RAB3C: variants seen among roughly 807,000 people sequenced by gnomAD.
RAB3C encodes ras-related protein Rab-3C.
In RAB3C, 17 loss-of-function variants were observed where a neutral mutation model predicts 26.4. The ratio of observed to expected loss-of-function variants is 0.64; its 90% CI spans 0.44 to 0.97. The LOEUF is 0.97. Among genes scored for constraint, RAB3C ranks in the 50% least tolerant of loss-of-function variants. RAB3C has a pLI of 0.00. For missense variants in RAB3C, 242 were observed against 281.9 expected (o/e 0.86, Z 1.01); for synonymous variants, 91 against 95.9 (o/e 0.95, Z 0.30).
chr5:58,761,063 T>TCTCACA (rs370091627), intron 3 of RAB3C, among the ~76,000 whole-genome samples: 1,856 of 144,746 alleles, frequency 0.013, 29 homozygotes, highest in African/African-American at 0.033. Flanking sequence ...TCTCTCTCTC[T>TCTCACA]CACACACACA....
intron 4 of RAB3C, among the ~76,000 whole-genome samples, chr5:58,847,747 A>G (rs1744034701): frequency 6.6e-6 from 1 of 152,204 alleles, no homozygotes; most frequent in Non-Finnish European, 1.5e-5. Context: ...TAAATGCTAA[A>G]ATACTAATGA....
intron 2 of RAB3C, among the ~76,000 whole-genome samples, chr5:58,686,681 CACACACACACAT>C (rs1340013266): frequency 2.0e-5 from 3 of 147,598 alleles, no homozygotes; most frequent in Non-Finnish European, 3.1e-5. Context: ...CACACACATA[CACACACACACAT>C]ACACACACAC....
intron 1 of RAB3C, among the ~76,000 whole-genome samples, chr5:58,605,323 A>G (rs1464777913): frequency 6.6e-6 from 1 of 152,094 alleles, no homozygotes; most frequent in Non-Finnish European, 1.5e-5. Flanking sequence ...CCTGCCTCCC[A>G]TGCACCATGA....
At chr5:58,611,889 T>C (rs1211198239) in intron 1 of RAB3C, among the ~76,000 whole-genome samples, 1 of 152,118 alleles carries the variant, frequency 6.6e-6, no homozygotes. Flanking sequence ...CTTTAATCCA[T>C]CTTGAGTTAG....
chr5:58,686,637 CTCTT>C (rs901373888), intron 2 of RAB3C, among the ~76,000 whole-genome samples: 13 of 151,612 alleles, frequency 8.6e-5, no homozygotes, highest in African/African-American at 2.9e-4. Flanking sequence ...AATTCTGATT[CTCTT>C]TCTATGTGTC....
chr5:58,616,567 C>G (rs945121375), intron 1 of RAB3C, among the ~76,000 whole-genome samples: 6 of 152,102 alleles, frequency 3.9e-5, no homozygotes, highest in Non-Finnish European at 8.8e-5. Context: ...CAATATCCAC[C>G]TAAAGCATTT....
At chr5:58,832,457 A>C (rs1308845041) in intron 4 of RAB3C, among the ~76,000 whole-genome samples, 1 of 152,190 alleles carries the variant, frequency 6.6e-6, no homozygotes, top group African/African-American at 2.4e-5. Context: ...TTCATTTACT[A>C]ATGTATTCAT....
intron 2 of RAB3C, among the ~76,000 whole-genome samples, chr5:58,645,285 ATTCTAATT>A (rs1434460964): frequency 6.6e-5 from 10 of 152,346 alleles, no homozygotes; most frequent in African/African-American, 2.4e-4. Flanking sequence ...AGATCACCAG[ATTCTAATT>A]TTCTCTTGTA....
chr5:58,840,399 C>T (rs1561148795), intron 4 of RAB3C, among the ~76,000 whole-genome samples: 1 of 152,016 alleles, frequency 6.6e-6, no homozygotes, highest in Non-Finnish European at 1.5e-5. Context: ...CATTGAATTG[C>T]CTATATTCTC....
chr5:58,712,042 G>A (rs1036580872), intron 2 of RAB3C, among the ~76,000 whole-genome samples: 2 of 152,180 alleles, frequency 1.3e-5, no homozygotes, highest in South Asian at 4.1e-4. Flanking sequence ...TGTGATTTTC[G>A]TGTGGTAACA....
chr5:58,725,646 ATT>A (rs1224586886), intron 2 of RAB3C, among the ~76,000 whole-genome samples: 1 of 151,948 alleles, frequency 6.6e-6, no homozygotes, highest in Non-Finnish European at 1.5e-5. Context: ...GGTGACTATA[ATT>A]TACAATAATC....
chr5:58,817,997 A>C (rs1743253124), intron 3 of RAB3C, among the ~76,000 whole-genome samples: 1 of 152,244 alleles, frequency 6.6e-6, no homozygotes, highest in Non-Finnish European at 1.5e-5. Flanking sequence ...AGGGCCTGCT[A>C]TTAAGATCTG....
chr5:58,761,070 C>T (rs1178824996), intron 3 of RAB3C, among the ~76,000 whole-genome samples: 1 of 151,698 alleles, frequency 6.6e-6, no homozygotes, highest in African/African-American at 2.4e-5. Context: ...CTCTCACACA[C>T]ACACACACAC....
intron 2 of RAB3C, among the ~76,000 whole-genome samples, chr5:58,623,699 C>T (rs761193154): frequency 1.3e-5 from 2 of 152,164 alleles, no homozygotes; most frequent in Non-Finnish European, 2.9e-5. Context: ...AAGGATGGTA[C>T]GGGCATTGTT....
intron 3 of RAB3C, among the ~76,000 whole-genome samples, chr5:58,781,155 A>C (rs1742261172): frequency 1.3e-5 from 2 of 152,070 alleles, no homozygotes; most frequent in African/African-American, 4.8e-5. Flanking sequence ...ATAAAAAAAA[A>C]GTTAAGACCT....
intron 3 of RAB3C, among the ~76,000 whole-genome samples, chr5:58,821,476 C>A (rs1278627628): frequency 6.6e-6 from 1 of 152,156 alleles, no homozygotes; most frequent in Non-Finnish European, 1.5e-5. Flanking sequence ...TTATTTTACA[C>A]CCTAATTCAT....
intron 2 of RAB3C, chr5:58,647,554 C>G (rs906374064): frequency 1.3e-5 from 2 of 152,206 alleles, no homozygotes; most frequent in Non-Finnish European, 2.9e-5. Context: ...AGTGGGGACA[C>G]AGCCAAACCA....
intron 3 of RAB3C, among the ~76,000 whole-genome samples, chr5:58,753,837 C>T (rs1378339872): frequency 6.6e-6 from 1 of 152,146 alleles, no homozygotes; most frequent in Non-Finnish European, 1.5e-5. Flanking sequence ...TACAAGGAGA[C>T]CTGGAGGCAA....
At chr5:58,842,250 C>T (rs1051905761) in intron 4 of RAB3C, among the ~76,000 whole-genome samples, 2 of 152,166 alleles carry the variant, frequency 1.3e-5, no homozygotes, top group Admixed American at 1.3e-4. Flanking sequence ...ACACTCTAGT[C>T]CCTTGATGGA....
Sources: allele counts gnomAD v4.1 joint callset (sites outside exome capture counted in the v4.1 genomes callset), GRCh38; gene constraint gnomAD v4.1.1; transcripts MANE v1.5; gene names NCBI Gene and HGNC (gene_info 2026-07-23, HGNC 2026-07-21).